KAT6B: variants seen among roughly 807,000 people sequenced by gnomAD.
KAT6B encodes histone acetyltransferase KAT6B.
A neutral mutation model predicts 187.5 loss-of-function variants in KAT6B; 10 were observed. The ratio of observed to expected loss-of-function variants is 0.05; its 90% CI spans 0.03 to 0.09. KAT6B has a LOEUF of 0.09. Ranked by LOEUF, KAT6B falls within the 10% of genes least tolerant of loss-of-function variation. KAT6B has a pLI of 1.00. For synonymous variants in KAT6B, 861 were observed against 926.8 expected (o/e 0.93, Z 1.29); for missense variants, 1,952 against 2,558.9 (o/e 0.76, Z 5.12).
At chr10:74,923,623 G>A (rs1848293927) in intron 3 of KAT6B, among the ~76,000 whole-genome samples, 1 of 152,184 alleles carries the variant, frequency 6.6e-6, no homozygotes, top group Non-Finnish European at 1.5e-5. Context: ...GTTCTAGATG[G>A]AGGGAACAGC....
chr10:74,968,987 A>G (rs948237756), intron 4 of KAT6B, among the ~76,000 whole-genome samples: 1 of 151,594 alleles, frequency 6.6e-6, no homozygotes, highest in African/African-American at 2.4e-5. Flanking sequence ...TGCTGAGGCC[A>G]CACTTCTTGG....
chr10:74,843,591 G>A, intron 3 of KAT6B, 113 bp downstream of exon 3: 3 of 1,363,782 alleles, frequency 2.2e-6, no homozygotes, highest in South Asian at 1.2e-5. Context: ...AAAATTGAAT[G>A]TTTTGCCTTA....
chr10:74,974,419 T>G (rs1842032303), intron 7 of KAT6B, among the ~76,000 whole-genome samples: 1 of 152,234 alleles, frequency 6.6e-6, no homozygotes, highest in African/African-American at 2.4e-5. Flanking sequence ...TTAGCTAAAT[T>G]GATCATTTTG....
At chr10:74,939,962 A>G (rs1849545769) in intron 3 of KAT6B, among the ~76,000 whole-genome samples, 1 of 152,182 alleles carries the variant, frequency 6.6e-6, no homozygotes, top group South Asian at 2.1e-4. Flanking sequence ...ATTAATTAGG[A>G]TGAGACTGGG....
rs1244083662 is a variant in KAT6B at position 75,028,811 on chromosome 10, A to T, written c.3987A>T (p.Thr1329=). ...LPQEENRREE[T]CAPVSPNTSP... ...AAGAGGAAAACAGAAGGGAAGAAAC[A>T]TGTGCCCCTGTAAGTCCAAACACAT... Residue 1329 remains threonine, a synonymous_variant, in exon 18 of 18, where the codon ACA becomes ACT. Coordinates refer to ENST00000287239, the MANE Select transcript of KAT6B (RefSeq NM_012330.4). 6 of 1,614,046 alleles carry T rather than the reference A, an allele frequency of 3.7e-6. No homozygotes were observed. The African/African-American group carries it at 8.0e-5, about 22-fold the overall frequency.
At chr10:74,889,142 G>A (rs1033005805) in intron 3 of KAT6B, among the ~76,000 whole-genome samples, 2 of 152,146 alleles carry the variant, frequency 1.3e-5, no homozygotes, top group Admixed American at 6.5e-5. Flanking sequence ...GACATGGGAC[G>A]AGATTGAGGA....
chr10:74,845,534 A>C (rs957262898), intron 3 of KAT6B, among the ~76,000 whole-genome samples: 1 of 149,430 alleles, frequency 6.7e-6, no homozygotes, highest in South Asian at 2.1e-4. Flanking sequence ...AAAAAAAAAA[A>C]AAAACAAAAA....
At chr10:74,981,354 T>C (rs916636232) in intron 10 of KAT6B, among the ~76,000 whole-genome samples, 18 of 146,420 alleles carry the variant, frequency 1.2e-4, no homozygotes, top group African/African-American at 4.5e-4. Flanking sequence ...TTCCTTTCTT[T>C]CCTTTCTTTC....
At chr10:74,938,732 C>T (rs921014006) in intron 3 of KAT6B, among the ~76,000 whole-genome samples, 1 of 151,832 alleles carries the variant, frequency 6.6e-6, no homozygotes, top group African/African-American at 2.4e-5. Flanking sequence ...AAATTATGCA[C>T]CCTTTATTTT....
At chr10:74,924,647 G>A (rs923630526) in intron 3 of KAT6B, among the ~76,000 whole-genome samples, 1 of 152,194 alleles carries the variant, frequency 6.6e-6, no homozygotes, top group African/African-American at 2.4e-5. Flanking sequence ...TTGTAAAAAT[G>A]TAAAGGTTAC....
intron 13 of KAT6B, among the ~76,000 whole-genome samples, chr10:75,011,147 T>G (rs1182407643): frequency 2.0e-5 from 3 of 152,226 alleles, no homozygotes; most frequent in African/African-American, 7.2e-5. Flanking sequence ...TAAGTTGTCT[T>G]CTATTTCAAT....
intron 3 of KAT6B, among the ~76,000 whole-genome samples, chr10:74,958,070 A>G (rs1412611488): frequency 6.6e-6 from 1 of 152,242 alleles, no homozygotes; most frequent in Non-Finnish European, 1.5e-5. Context: ...AAGATAATGA[A>G]TGCCCTTGTA....
intron 3 of KAT6B, among the ~76,000 whole-genome samples, chr10:74,890,644 A>G (rs1845583567): frequency 2.6e-5 from 4 of 152,248 alleles, no homozygotes; most frequent in Admixed American, 2.6e-4. Context: ...AGCAGTAGGA[A>G]GTAAAATAGA....
chr10:74,935,610 C>CA (rs1187201244), intron 3 of KAT6B, among the ~76,000 whole-genome samples: 4 of 152,178 alleles, frequency 2.6e-5, no homozygotes, highest in Non-Finnish European at 5.9e-5. Context: ...GCCAAAAATA[C>CA]ATCTTTTTAA....
In KAT6B at chr10:74,931,857, G is replaced by A. The variant is rs1227105670; in HGVS notation, c.622-28113G>A. Among the ~76,000 whole-genome samples, 9 of 152,170 alleles carry A rather than the reference G, an allele frequency of 5.9e-5. No individual in the cohort carries two copies. In the South Asian group the frequency reaches 6.2e-4, roughly 10 times the overall value. ...TCCCCGAGTAGCTGGGATTACAGGCGCATGCCACCACGCCTGGCTAATTTT... is the reference window on the plus strand; with the variant it reads ...TCCCCGAGTAGCTGGGATTACAGGCACATGCCACCACGCCTGGCTAATTTT... On this transcript the variant is annotated intron_variant, in intron 3 of 17. Transcript: ENST00000287239.
At chr10:75,007,518 T>C (rs1317200490) in intron 13 of KAT6B, among the ~76,000 whole-genome samples, 1 of 151,974 alleles carries the variant, frequency 6.6e-6, no homozygotes, top group Non-Finnish European at 1.5e-5. Context: ...GATGAAAGTA[T>C]AAAAAAATGC....
rs1429199412 is a variant in KAT6B at position 74,842,977 on chromosome 10, T to C, written c.120T>C (p.His40=). The C allele has an allele frequency of 1.2e-6, 2 of 1,614,016 alleles. No individual in the cohort carries two copies. Among genetic ancestry groups the C allele is most frequent in the African/African-American group, 2.7e-5 (2 of 74,900 alleles). The change falls in exon 3 of 18, where the codon CAT becomes CAC. Residue 40 remains histidine, a synonymous_variant. Transcript: ENST00000287239. ...TCTGCCATGCGGTCAGTACTTCCCA[T>C]GGGTTGGATAAGAAGACAGTCTCTG... is the stretch of plus-strand genomic sequence containing the variant. ...ERICHAVSTS[H]GLDKKTVSEQ...
chr10:74,977,288 T>A (rs1280287681), intron 8 of KAT6B, 28 bp from the exon 9 acceptor site: 1 of 1,609,890 alleles, frequency 6.2e-7, no homozygotes, highest in Non-Finnish European at 8.5e-7. Context: ...AGTCAGTGAA[T>A]ACACTTTCTG....
At chr10:74,893,284 C>A (rs895890114) in intron 3 of KAT6B, among the ~76,000 whole-genome samples, 1 of 152,182 alleles carries the variant, frequency 6.6e-6, no homozygotes, top group Non-Finnish European at 1.5e-5. Flanking sequence ...TCACACTTGC[C>A]GCCTTTCATT....
Sources: allele counts gnomAD v4.1 joint callset (sites outside exome capture counted in the v4.1 genomes callset), GRCh38; gene constraint gnomAD v4.1.1; transcripts MANE v1.5; gene names NCBI Gene and HGNC (gene_info 2026-07-23, HGNC 2026-07-21).